The following SEMA6D variants were observed in gnomAD, a reference collection of about 807,000 sequenced individuals.
SEMA6D encodes semaphorin 6D, also known as semaphorin-6D.
Under a neutral mutation model 106.6 loss-of-function variants are expected in SEMA6D, and 35 were observed. The ratio of observed to expected loss-of-function variants is 0.33; its 90% confidence interval spans 0.25 to 0.44. SEMA6D has a LOEUF of 0.44. Among genes scored for constraint, SEMA6D ranks in the 20% least tolerant of loss-of-function variants. SEMA6D has a pLI of 1.00. For synonymous variants in SEMA6D, 499 were observed against 487.7 expected (o/e 1.02, Z -0.31); for missense variants, 1,185 against 1,345.9 (o/e 0.88, Z 1.87).
intron 1 of SEMA6D, among the ~76,000 whole-genome samples, chr15:47,282,462 T>C (rs2035170577): frequency 6.6e-6 from 1 of 152,194 alleles, no homozygotes. Flanking sequence ...TATTCTACTG[T>C]TGATGAACAT....
chr15:47,546,869 A>C (rs2045539223), intron 3 of SEMA6D, among the ~76,000 whole-genome samples: 1 of 152,036 alleles, frequency 6.6e-6, no homozygotes, highest in African/African-American at 2.4e-5. Context: ...TGCAAAGCTA[A>C]TTGGAATCCA....
At chr15:47,759,160 G>A (rs540646734) in intron 1 of SEMA6D, among the ~76,000 whole-genome samples, 17 of 152,080 alleles carry the variant, frequency 1.1e-4, no homozygotes, top group Middle Eastern at 3.4e-3. Flanking sequence ...AGGGTCATTC[G>A]TGTCATTGTC....
rs750700486 is a variant in SEMA6D, at chr15:47,760,320, G to T, written c.126G>T (p.Pro42=). 1 of 1,613,218 alleles carries T rather than the reference G, an allele frequency of 6.2e-7. No homozygotes were observed. Among genetic ancestry groups the T allele is most frequent in the Admixed American group, 1.7e-5 (1 of 59,932 alleles). ...TVDYHYSRQY[P]VFRGRPSGNE... ...TACTTGCAGATTCAAGGCAATATCC[G>T]GTTTTTAGAGGACGCCCTTCAGGCA... The change falls in exon 3 of 19, where the codon CCG becomes CCT. Residue 42 remains proline, a synonymous_variant. Coordinates refer to ENST00000536845, the MANE Select transcript of SEMA6D (RefSeq NM_001358351.3).
intron 1 of SEMA6D, among the ~76,000 whole-genome samples, chr15:47,355,532 C>G (rs931907917): frequency 6.6e-6 from 1 of 152,168 alleles, no homozygotes; most frequent in African/African-American, 2.4e-5. Flanking sequence ...GAGAGACTTT[C>G]ACACATGTCA....
intron 2 of SEMA6D, among the ~76,000 whole-genome samples, chr15:47,436,525 A>G (rs572616972): frequency 6.6e-6 from 1 of 151,014 alleles, no homozygotes; most frequent in East Asian, 1.9e-4. Flanking sequence ...AATTACTAAT[A>G]TATGTATATA....
intron 1 of SEMA6D, among the ~76,000 whole-genome samples, chr15:47,724,534 C>T (rs1361839032): frequency 6.6e-6 from 1 of 151,374 alleles, no homozygotes; most frequent in African/African-American, 2.4e-5. Flanking sequence ...TGAGCTGGTT[C>T]TTGAACTAGG....
At chr15:47,555,942 G>C (rs996324357) in intron 3 of SEMA6D, among the ~76,000 whole-genome samples, 7 of 152,068 alleles carry the variant, frequency 4.6e-5, no homozygotes, top group African/African-American at 1.4e-4. Context: ...TGGAATAGCT[G>C]GGGGTACTCA....
intron 3 of SEMA6D, among the ~76,000 whole-genome samples, chr15:47,491,991 C>T (rs1400179790): frequency 2.6e-5 from 4 of 152,072 alleles, no homozygotes; most frequent in Non-Finnish European, 5.9e-5. Flanking sequence ...ATCATGAATG[C>T]TGGGTATGAG....
intron 1 of SEMA6D, among the ~76,000 whole-genome samples, chr15:47,345,024 A>G (rs685291): frequency 0.47 from 70,968 of 151,984 alleles, 19,684 homozygotes; most frequent in South Asian, 0.61. Context: ...TGAAAACTAG[A>G]TTTCAGTTGG....
intron 1 of SEMA6D, among the ~76,000 whole-genome samples, chr15:47,321,892 C>T (rs1211636783): frequency 6.6e-6 from 1 of 152,154 alleles, no homozygotes; most frequent in East Asian, 1.9e-4. Flanking sequence ...AAGCCCCTTC[C>T]TGATTGGAGG....
chr15:47,632,683 T>G (rs904650027), intron 4 of SEMA6D, among the ~76,000 whole-genome samples: 4 of 152,072 alleles, frequency 2.6e-5, no homozygotes, highest in African/African-American at 7.2e-5. Flanking sequence ...GTGAGTTTCT[T>G]ATAAGCAGAA....
At chr15:47,765,535 G>C in intron 13 of SEMA6D, 2 of 790,038 alleles carry the variant, frequency 2.5e-6, no homozygotes, top group South Asian at 5.8e-5. Context: ...GGGGACTAAG[G>C]AGAGAACCAG....
In SEMA6D at chr15:47,511,265, C is replaced by A. The variant is rs1381405792; in HGVS notation, c.-87+40720C>A. Among the ~76,000 whole-genome samples, 2 of 152,288 alleles carry A rather than the reference C, an allele frequency of 1.3e-5. 1 individual carries two copies. The highest frequency in any genetic ancestry group is 4.1e-4 in the South Asian group (2 of 4,830). Reference sequence around the variant, plus strand: ...CCTTCAGCATCAGTTTAATCTGTGTCCTTGTTCTGTTTGAAGATCACCACC... The same window carrying A: ...CCTTCAGCATCAGTTTAATCTGTGTACTTGTTCTGTTTGAAGATCACCACC... On this transcript the variant is annotated intron_variant, in intron 3 of 19. Transcript: ENST00000558014.
chr15:47,682,381 G>A (rs571959605), intron 4 of SEMA6D, among the ~76,000 whole-genome samples: 7 of 152,108 alleles, frequency 4.6e-5, no homozygotes, highest in Admixed American at 6.5e-5. Context: ...GTTAGCCAGG[G>A]TGGTGTCGAT....
chr15:47,230,891 G>A (rs2032142924), intron 1 of SEMA6D, among the ~76,000 whole-genome samples: 1 of 151,982 alleles, frequency 6.6e-6, no homozygotes, highest in South Asian at 2.1e-4. Context: ...CGGATGTGTA[G>A]GTAATGATCA....
chr15:47,771,976 T>C lies in SEMA6D; in HGVS notation c.*191T>C, dbSNP rs1261288288. 1 of 599,788 alleles carries C rather than the reference T, an allele frequency of 1.7e-6. No individual in the cohort carries two copies. Among genetic ancestry groups the C allele is most frequent in the East Asian group, 2.8e-5 (1 of 36,110 alleles). The allele number at this position is 599,788 out of a possible 1,614,324, so 37.2% of individuals were successfully genotyped here. A position where few individuals can be genotyped will look rare whatever the true frequency, so the allele number is the denominator to read the frequency against. Reference sequence around the variant, plus strand: ...TACTGCAGCAAGGCTTCTGTGTACTTGCCTGAAAACAAAGGAAGGTGCTGG... The same window carrying C: ...TACTGCAGCAAGGCTTCTGTGTACTCGCCTGAAAACAAAGGAAGGTGCTGG... On this transcript the variant is annotated 3_prime_UTR_variant, in exon 19 of 19. Coordinates refer to ENST00000536845, the MANE Select transcript of SEMA6D (RefSeq NM_001358351.3).
At chr15:47,529,613 A>AAC (rs2044882871) in intron 3 of SEMA6D, among the ~76,000 whole-genome samples, 1 of 151,250 alleles carries the variant, frequency 6.6e-6, no homozygotes, top group African/African-American at 2.4e-5. Context: ...TAAAAAAAAA[A>AAC]AAAAAAACAA....
At chr15:47,766,724 A>G in intron 16 of SEMA6D, 47 bp downstream of exon 16, 1 of 1,254,776 alleles carries the variant, frequency 8.0e-7, no homozygotes, top group Non-Finnish European at 1.2e-6. Context: ...TTTTGACCAC[A>G]TTTGCACGTC....
At chr15:47,551,349 G>T (rs1451093560) in intron 3 of SEMA6D, among the ~76,000 whole-genome samples, 1 of 152,128 alleles carries the variant, frequency 6.6e-6, no homozygotes, top group East Asian at 1.9e-4. Context: ...AGAGTTGGGG[G>T]AAGGGATGGA....
Sources: gnomAD v4.1 joint callset for allele counts (sites outside exome capture counted in the v4.1 genomes callset) on GRCh38, gnomAD v4.1.1 for gene constraint, MANE v1.5 for transcripts, NCBI Gene and HGNC (gene_info 2026-07-23, HGNC 2026-07-21) for gene names.